CCDC88A: variants seen among roughly 807,000 people sequenced by gnomAD.
CCDC88A encodes coiled-coil and HOOK domain protein 88A.
Under a neutral mutation model 234.3 loss-of-function variants are expected in CCDC88A, and 54 were observed. The observed-to-expected ratio is 0.23, with a 90% confidence interval of 0.19 to 0.29. CCDC88A has a LOEUF of 0.29. Among genes scored for constraint, CCDC88A ranks in the 10% least tolerant of loss-of-function variants. The pLI is 1.00. For synonymous variants in CCDC88A, 753 were observed against 737.8 expected, an observed-to-expected ratio of 1.02 and a Z score of -0.33; for missense variants, 1,832 against 2,123.4, an observed-to-expected ratio of 0.86 and a Z score of 2.70.
In CCDC88A at chr2:55,301,226, C is replaced by T. The variant is rs1208352123; in HGVS notation, c.4724G>A (p.Ser1575Asn). ...ISPQGVSDDS[S>N]TGSRVHASRP... ...CTTACCATGAACTCTTGATCCCGTA[C>T]TAGAATCATCACTAACACCTTGTGG... The change falls in exon 28 of 33, where the codon AGT becomes AAT. Residue 1575 changes from serine to asparagine, a missense_variant. Coordinates refer to ENST00000436346, the MANE Select transcript of CCDC88A (RefSeq NM_001365480.1). The T allele has an allele frequency of 1.3e-6, 2 of 1,595,268 alleles. No individual in the cohort carries two copies. The highest frequency in any genetic ancestry group is 1.7e-6 in the Non-Finnish European group (2 of 1,166,546).
intron 12 of CCDC88A, among the ~76,000 whole-genome samples, chr2:55,341,694 C>T (rs977902243): frequency 5.3e-5 from 8 of 152,088 alleles, no homozygotes; most frequent in African/African-American, 1.7e-4. Context: ...CCACCCGCCT[C>T]GGCCTCCCAA....
In CCDC88A at chr2:55,332,012, C is replaced by G. The variant is rs1034693984; in HGVS notation, c.2855+554G>C. On this transcript the variant is annotated intron_variant, in intron 16 of 32. Transcript: ENST00000436346. The surrounding 1 kb of genome is among the most constrained non-coding windows in gnomAD (Gnocchi z 4.5). ...GATCTTCTGCTACCTGGGTGGCATC[C>G]TGTTTTCCTATTTTATAACTGTATT... The G allele has an allele frequency of 6.6e-6, 1 of 152,088 alleles. No homozygotes were observed. Among genetic ancestry groups the G allele is most frequent in the African/African-American group, 2.4e-5 (1 of 41,424 alleles). 9.4% of individuals were successfully genotyped at this position (152,088 alleles called of 1,614,324 possible). A position where few individuals can be genotyped will look rare whatever the true frequency, so the allele number is the denominator to read the frequency against.
chr2:55,378,207 TC>T (rs1674020822), intron 3 of CCDC88A, among the ~76,000 whole-genome samples: 1 of 152,190 alleles, frequency 6.6e-6, no homozygotes, highest in South Asian at 2.1e-4. Context: ...CTACTCTGTT[TC>T]CCCATGCTCT....
chr2:55,303,002 A>T, intron 26 of CCDC88A, 67 bp downstream of exon 26: 1 of 962,276 alleles, frequency 1.0e-6, no homozygotes, highest in Non-Finnish European at 1.6e-6. Flanking sequence ...GAGAAAGGTT[A>T]GTGAAAAATT....
intron 2 of CCDC88A, among the ~76,000 whole-genome samples, chr2:55,407,520 G>T (rs1679796495): frequency 6.6e-6 from 1 of 151,382 alleles, no homozygotes; most frequent in African/African-American, 2.4e-5. Context: ...CAGGAAAGTG[G>T]CTTGAAACCG....
intron 8 of CCDC88A, among the ~76,000 whole-genome samples, chr2:55,351,990 T>C (rs559694219): frequency 1.3e-5 from 2 of 152,196 alleles, no homozygotes; most frequent in African/African-American, 4.8e-5. Flanking sequence ...TATTGTATGA[T>C]TCCATTTATA....
At chr2:55,347,427 T>A (rs1190066175) in intron 9 of CCDC88A, among the ~76,000 whole-genome samples, 1 of 152,088 alleles carries the variant, frequency 6.6e-6, no homozygotes, top group Non-Finnish European at 1.5e-5. Context: ...CTACATGGTG[T>A]GTGACATCTT....
chr2:55,296,501 G>A lies in CCDC88A; in HGVS notation c.4848C>T (p.Ser1616=), dbSNP rs1321710896. Residue 1616 remains serine, a synonymous_variant, in exon 30 of 33, where the codon AGC becomes AGT. Coordinates refer to ENST00000436346, the MANE Select transcript of CCDC88A (RefSeq NM_001365480.1). ...CTCCACTGCTGTGGCTTTGTGGCCT[G>A]CTTTGGTTATTAACTGCACCTGCTT... ...EVKAGAVNNQ[S]RPQSHSSGEF... is the part of the protein sequence containing the mutation. The A allele has an allele frequency of 1.2e-6, 2 of 1,614,000 alleles. No homozygotes were observed. The highest frequency in any genetic ancestry group is 1.3e-5 in the African/African-American group (1 of 74,922).
rs1669096315 is a variant in CCDC88A at position 55,346,271 on chromosome 2, A to C, written c.945T>G (p.Leu315=). The C allele has an allele frequency of 6.2e-7, 1 of 1,611,948 alleles. No homozygotes were observed. The highest frequency in any genetic ancestry group is 1.3e-5 in the African/African-American group (1 of 74,888). ...ARMYRDELDA[L]REKAVRVDKL... ...TATCGACTCTGACTGCTTTCTCTCGAAGTGCATCTAATTCATCTCGGTACA... is the reference window on the plus strand; with the variant it reads ...TATCGACTCTGACTGCTTTCTCTCGCAGTGCATCTAATTCATCTCGGTACA... Residue 315 remains leucine (L), a synonymous_variant, in exon 10 of 33, where the codon CTT becomes CTG. Transcript: ENST00000436346.
chr2:55,293,938 A>C (rs1344306230), intron 31 of CCDC88A: 1 of 150,734 alleles, frequency 6.6e-6, no homozygotes, highest in Non-Finnish European at 1.5e-5. Context: ...TTTTTAAGCT[A>C]AAGAGTGTAT....
chr2:55,364,078 G>C (rs1671659611), intron 5 of CCDC88A, 45 bp from the exon 6 acceptor site: 1 of 935,746 alleles, frequency 1.1e-6, no homozygotes, highest in East Asian at 2.6e-5. Flanking sequence ...TATAGGGTAT[G>C]GTCCTTAAAA....
intron 8 of CCDC88A, among the ~76,000 whole-genome samples, chr2:55,354,897 T>G (rs984120954): frequency 6.6e-6 from 1 of 151,596 alleles, no homozygotes; most frequent in African/African-American, 2.4e-5. Flanking sequence ...ATTTTTCTTT[T>G]CTTTTTTTAC....
intron 2 of CCDC88A, chr2:55,406,161 GA>G (rs11287244): frequency 0.084 from 10,949 of 130,830 alleles, 863 homozygotes; most frequent in African/African-American, 0.24. Context: ...ACTCTGTCCT[GA>G]AAAAAAAAAA....
chr2:55,380,501 G>A (rs1674414741), intron 3 of CCDC88A, among the ~76,000 whole-genome samples: 1 of 152,096 alleles, frequency 6.6e-6, no homozygotes, highest in African/African-American at 2.4e-5. Flanking sequence ...ATGGTAATAG[G>A]AAAATAATAA....
chr2:55,336,664 GT>G lies in CCDC88A; in HGVS notation c.1656+16del, dbSNP rs764972727. ...AATTTTAAAATACATTGTTTACTTA[GT>G]AAAAAATGTATGAACCTGTCTCTCT... On this transcript the variant is annotated intron_variant, in intron 14 of 32. Transcript: ENST00000436346. 3 of 1,473,370 alleles carry G rather than the reference GT, an allele frequency of 2.0e-6. No individual in the cohort carries two copies. Among genetic ancestry groups the G allele is most frequent in the East Asian group, 5.1e-5 (2 of 39,274 alleles). 91.3% of individuals were successfully genotyped at this position (1,473,370 alleles called of 1,614,324 possible). A position where few individuals can be genotyped will look rare whatever the true frequency, so the allele number is the denominator to read the frequency against.
chr2:55,312,659 A>G, intron 22 of CCDC88A, 80 bp from the exon 23 acceptor site: 1 of 1,024,468 alleles, frequency 9.8e-7, no homozygotes, highest in Non-Finnish European at 1.5e-6. Flanking sequence ...AGTACTACAC[A>G]AAGATTTAAG....
Position 55,318,975 on chromosome 2 carries a change from C to G in CCDC88A, c.3192G>C (p.Ala1064=). ...NNATLQAEKQ[A]LKTQLKQLET... The stretch of plus-strand genomic sequence containing the variant: ...CAAGTTGCTTCAGTTGAGTTTTCAA[C>G]GCTTGCTTCTCTGCTTGCAGTGTAG... The change falls in exon 19 of 33, where the codon GCG becomes GCC. Residue 1064 remains alanine (A), a synonymous_variant. Coordinates refer to ENST00000436346, the MANE Select transcript of CCDC88A (RefSeq NM_001365480.1). 1 of 1,613,152 alleles carries G rather than the reference C, an allele frequency of 6.2e-7. No individual in the cohort carries two copies. Among genetic ancestry groups the G allele is most frequent in the Non-Finnish European group, 8.5e-7 (1 of 1,179,424 alleles).
chr2:55,387,794 A>G (rs1182980412), intron 3 of CCDC88A, among the ~76,000 whole-genome samples: 5 of 150,810 alleles, frequency 3.3e-5, no homozygotes, highest in East Asian at 1.9e-4. Context: ...AAAAAAAAAA[A>G]AAAAAGAAAA....
Position 55,419,212 on chromosome 2 carries a change from G to A in CCDC88A, c.-133C>T. On this transcript the variant is annotated 5_prime_UTR_variant, in exon 1 of 33. Transcript: ENST00000436346. ...GGGAGAAAAATCCCATCGTGGAGGA[G>A]GGGGGCACTCTCCCTCCTCAAAAAA... 1.6e-6 allele frequency: 1 copy of A among 635,714 alleles called. No individual in the cohort carries two copies. Among genetic ancestry groups the A allele is most frequent in the South Asian group, 2.0e-5 (1 of 50,818 alleles). The allele number at this position is 635,714 out of a possible 1,614,324, so 39.4% of individuals were successfully genotyped here.
Sources: gnomAD v4.1 joint callset for allele counts (sites outside exome capture counted in the v4.1 genomes callset) on GRCh38, gnomAD v4.1.1 for gene constraint, Gnocchi (gnomAD v3.1) non-coding constraint, MANE v1.5 for transcripts, NCBI Gene and HGNC (gene_info 2026-07-23, HGNC 2026-07-21) for gene names.